TUBGCP3: variants seen among roughly 807,000 people sequenced by gnomAD.
TUBGCP3 encodes gamma-tubulin complex component 3.
A neutral mutation model predicts 123.1 loss-of-function variants in TUBGCP3; 50 were observed. That is an observed-to-expected ratio of 0.41 (90% confidence interval 0.32 to 0.51). The LOEUF (loss-of-function observed/expected upper bound fraction) is 0.51. Among genes scored for constraint, TUBGCP3 ranks in the 20% least tolerant of loss-of-function variants. The probability of loss-of-function intolerance (pLI) is 0.36; values close to 1 mark genes in which losing one functional copy is unlikely to be tolerated. For synonymous variants in TUBGCP3, 405 were observed against 413.9 expected (o/e 0.98, Z 0.26); for missense variants, 882 against 1,127.0 (o/e 0.78, Z 3.11).
At chr13:112,596,602 C>T in the TUBGCP3 span, among the ~76,000 whole-genome samples, 1 of 152,020 alleles carries the variant, frequency 6.6e-6, no homozygotes, top group African/African-American at 2.4e-5. Flanking sequence ...TGTTCAGCTT[C>T]TTGAATCTAT....
At chr13:112,548,590 A>G (rs1336567739) in intron 8 of TUBGCP3, among the ~76,000 whole-genome samples, 3 of 152,370 alleles carry the variant, frequency 2.0e-5, no homozygotes, top group East Asian at 3.9e-4. Flanking sequence ...TACCCTTCTG[A>G]CAAAGGGCTA....
intron 20 of TUBGCP3, among the ~76,000 whole-genome samples, chr13:112,495,925 A>G (rs1374136222): frequency 2.0e-5 from 3 of 152,180 alleles, no homozygotes; most frequent in Admixed American, 2.0e-4. Context: ...TAGTGGAAAA[A>G]TTTTTGGCAA....
chr13:112,590,217 G>A (rs1882858152), upstream of TUBGCP3, among the ~76,000 whole-genome samples: 1 of 152,014 alleles, frequency 6.6e-6, no homozygotes, highest in South Asian at 2.1e-4. Flanking sequence ...ACCTCGTGAT[G>A]TGCCCGCCTC....
intron 17 of TUBGCP3, among the ~76,000 whole-genome samples, chr13:112,510,903 T>C (rs1881634162): frequency 6.6e-6 from 1 of 152,130 alleles, no homozygotes; most frequent in Non-Finnish European, 1.5e-5. Flanking sequence ...AAGGATCTTT[T>C]GGCTCCTTAG....
Position 112,547,644 on chromosome 13 carries a change from C to T in TUBGCP3, c.1144G>A (p.Ala382Thr). The T allele has an allele frequency of 1.3e-6, 2 of 1,567,740 alleles. No individual in the cohort carries two copies. Among genetic ancestry groups the T allele is most frequent in the Non-Finnish European group, 1.7e-6 (2 of 1,153,402 alleles). Residue 382 changes from alanine (A) to threonine (T), a missense_variant, in exon 10 of 22, where the codon GCG becomes ACG. Ala to Thr is a moderately conservative substitution (Grantham distance 58). Transcript: ENST00000261965. Reference protein sequence around the residue: ...YDPKIRLKTLAALVDHCQGRK... With the variant: ...YDPKIRLKTLTALVDHCQGRK... ...CCTTGGCAGTGGTCCACTAGGGCCGCAAGGGTCTTCAGTCGTATTTTGGGA... is the reference window on the plus strand; with the variant it reads ...CCTTGGCAGTGGTCCACTAGGGCCGTAAGGGTCTTCAGTCGTATTTTGGGA...
chr13:112,552,681 A>G (rs576329636), intron 8 of TUBGCP3, among the ~76,000 whole-genome samples: 1 of 152,138 alleles, frequency 6.6e-6, no homozygotes, highest in Admixed American at 6.5e-5. Context: ...CCAAACCAGA[A>G]CCCTGGGCTG....
intron 16 of TUBGCP3, 54 bp from the exon 17 acceptor site, chr13:112,516,629 A>C: frequency 6.5e-7 from 1 of 1,542,532 alleles, no homozygotes; most frequent in Non-Finnish European, 8.7e-7. Flanking sequence ...GAATCCTCTC[A>C]GTACAGGTCT....
At chr13:112,527,596 G>C (rs1486836714) in intron 11 of TUBGCP3, 112 bp from the exon 12 acceptor site, 2 of 701,748 alleles carry the variant, frequency 2.9e-6, no homozygotes, top group South Asian at 1.7e-5. Context: ...TCCAGACACA[G>C]GGAGTCTTAC....
intron 17 of TUBGCP3, among the ~76,000 whole-genome samples, chr13:112,509,643 T>G (rs1881537180): frequency 6.6e-6 from 1 of 152,226 alleles, no homozygotes; most frequent in Non-Finnish European, 1.5e-5. Flanking sequence ...AATGGTCTTC[T>G]TTTGAGACAA....
At chr13:112,537,528 C>T in intron 11 of TUBGCP3, among the ~76,000 whole-genome samples, 1 of 152,144 alleles carries the variant, frequency 6.6e-6, no homozygotes. Flanking sequence ...TTCTACTATG[C>T]TGATGAATTC....
In TUBGCP3 at chr13:112,489,884, T is replaced by C. The variant is rs369646090; in HGVS notation, c.2449-187A>G. On this transcript the variant is annotated intron_variant, in intron 20 of 21. Coordinates refer to ENST00000261965, the MANE Select transcript of TUBGCP3 (RefSeq NM_006322.6). Reference sequence around the variant, plus strand: ...CCAGCTTACTTTTTCCAGTTAACAATGTGTGTTGAAAATATTTCATATGAA... The same window carrying C: ...CCAGCTTACTTTTTCCAGTTAACAACGTGTGTTGAAAATATTTCATATGAA... 4.4e-4 allele frequency: 255 copies of C among 583,824 alleles called. 2 individuals are homozygous for C. Among genetic ancestry groups the C allele is most frequent in the Middle Eastern group, 4.1e-3 (10 of 2,422 alleles). 36.2% of individuals were successfully genotyped at this position (583,824 alleles called of 1,614,324 possible).
At position 112,516,716 on chromosome 13, in the gene TUBGCP3, A is replaced by G. The variant is rs1185347104; in HGVS notation, c.1951-141T>C. On this transcript the variant is annotated intron_variant, in intron 16 of 21. Transcript: ENST00000261965. ...TGCTAAGTAAAGTCACAGTAACAGA[A>G]GGCAGGCATTTTTATGCCAGTTGTA... 6.0e-6 allele frequency: 6 copies of G among 1,004,766 alleles called. No individual in the cohort carries two copies. In the South Asian group the frequency reaches 8.8e-5, roughly 15 times the overall value. 62.2% of individuals were successfully genotyped at this position (1,004,766 alleles called of 1,614,324 possible).
Position 112,519,922 on chromosome 13 carries a change from A to G in TUBGCP3, c.1845T>C (p.Pro615=). 1 of 1,612,062 alleles carries G rather than the reference A, an allele frequency of 6.2e-7. No individual in the cohort carries two copies. The stretch of plus-strand genomic sequence containing the variant: ...GCACGTCCAGCCTTCGCAGGATCTC[A>G]GGACTGTCAAACTGTGCGTTGGTGG... ...VRATNAQFDS[P]EILRRLDVRL... is the part of the protein sequence containing the mutation. The change falls in exon 15 of 22, where the codon CCT becomes CCC. Residue 615 remains proline (P), a synonymous_variant. Coordinates refer to ENST00000261965, the MANE Select transcript of TUBGCP3 (RefSeq NM_006322.6). This position sits in a 1 kb window ranked among gnomAD's most constrained non-coding sequence, Gnocchi z 6.2.
At chr13:112,602,135 C>T in the TUBGCP3 span, among the ~76,000 whole-genome samples, 1 of 152,174 alleles carries the variant, frequency 6.6e-6, no homozygotes, top group Admixed American at 6.5e-5. Flanking sequence ...GCAGCGAGCC[C>T]CCCAGGCTGT....
chr13:112,518,821 C>T (rs184170685), intron 16 of TUBGCP3, among the ~76,000 whole-genome samples, 154 bp downstream of exon 16: 2 of 152,156 alleles, frequency 1.3e-5, no homozygotes, highest in African/African-American at 4.8e-5. Context: ...AACACACACA[C>T]AATTTTGGCT....
intron 8 of TUBGCP3, 119 bp downstream of exon 8, chr13:112,553,938 T>C (rs1409602273): frequency 6.1e-6 from 9 of 1,483,984 alleles, no homozygotes; most frequent in Non-Finnish European, 9.0e-7. Flanking sequence ...AAGTTGACTC[T>C]CAAAGCTGCT....
intron 11 of TUBGCP3, among the ~76,000 whole-genome samples, chr13:112,533,652 T>C (rs1396487683): frequency 6.6e-6 from 1 of 151,846 alleles, no homozygotes; most frequent in Non-Finnish European, 1.5e-5. Flanking sequence ...TGTTGAGCTG[T>C]TGCAGGTGCT....
At chr13:112,525,372 T>G (rs1312447813) in intron 13 of TUBGCP3, among the ~76,000 whole-genome samples, 1 of 152,140 alleles carries the variant, frequency 6.6e-6, no homozygotes, top group Non-Finnish European at 1.5e-5. Flanking sequence ...CACCTGCACA[T>G]CTCACGTCCC....
chr13:112,507,744 T>C (rs1475145579), intron 17 of TUBGCP3, among the ~76,000 whole-genome samples: 1 of 152,216 alleles, frequency 6.6e-6, no homozygotes, highest in Admixed American at 6.5e-5. Flanking sequence ...GGCACGAATA[T>C]GCTTTTGCTA....
Sources: gnomAD v4.1 joint callset for allele counts (sites outside exome capture counted in the v4.1 genomes callset) on GRCh38, gnomAD v4.1.1 for gene constraint, Gnocchi (gnomAD v3.1) non-coding constraint, MANE v1.5 for transcripts, NCBI Gene and HGNC (gene_info 2026-07-23, HGNC 2026-07-21) for gene names.